Variants in CDH4 observed in about 807,000 individuals in gnomAD.
CDH4 encodes the protein cadherin 4.
Under a neutral mutation model 86.0 loss-of-function variants are expected in CDH4, and 33 were observed. The ratio of observed to expected loss-of-function variants is 0.38; its 90% CI spans 0.29 to 0.51. The LOEUF (loss-of-function observed/expected upper bound fraction) is 0.51, where lower values mean the gene tolerates loss of function less well. CDH4 is among the 20% of genes least tolerant of loss of function. The probability of loss-of-function intolerance (pLI) is 0.86; values close to 1 mark genes in which losing one functional copy is unlikely to be tolerated. For synonymous variants in CDH4, 555 were observed against 549.4 expected (o/e 1.01, Z -0.14); for missense variants, 1,114 against 1,307.4 (o/e 0.85, Z 2.28).
intron 2 of CDH4, among the ~76,000 whole-genome samples, chr20:61,444,811 CTT>C (rs1248761962): frequency 6.9e-6 from 1 of 145,740 alleles, no homozygotes; most frequent in Non-Finnish European, 1.5e-5. Flanking sequence ...GTATGTGTAT[CTT>C]TGTGTGTCTT....
At chr20:61,400,654 C>T (rs1440595907) in intron 2 of CDH4, among the ~76,000 whole-genome samples, 2 of 152,236 alleles carry the variant, frequency 1.3e-5, no homozygotes, top group African/African-American at 4.8e-5. Context: ...TTAGTCACTG[C>T]TGTGGGATGA....
intron 2 of CDH4, among the ~76,000 whole-genome samples, chr20:61,338,060 G>T (rs2084629058): frequency 6.6e-6 from 1 of 152,146 alleles, no homozygotes; most frequent in South Asian, 2.1e-4. Flanking sequence ...GGTAGGACTT[G>T]CAGAGAATCC....
At position 61,383,368 on chromosome 20, in the gene CDH4, A is replaced by G. The variant is rs1307436703; in HGVS notation, c.169+128431A>G. 2.0e-4 allele frequency among the ~76,000 whole-genome samples: 16 copies of G among 80,462 alleles called. 2 individuals are homozygous for G. The East Asian group carries it at 3.6e-3, about 18-fold the overall frequency. 52.8% of individuals were successfully genotyped at this position (80,462 alleles called of 152,430 possible). On this transcript the variant is annotated intron_variant, in intron 2 of 15. Transcript: ENST00000614565. ...ATATGAATATATATGGATATATATGAATATATATGGATATATATGAATATA... is the reference window on the plus strand; with the variant it reads ...ATATGAATATATATGGATATATATGGATATATATGGATATATATGAATATA...
intron 2 of CDH4, among the ~76,000 whole-genome samples, chr20:61,342,501 C>A (rs1365432914): frequency 6.6e-6 from 1 of 152,204 alleles, no homozygotes; most frequent in Non-Finnish European, 1.5e-5. Flanking sequence ...CTATGAGAAT[C>A]TAATGCTGCC....
chr20:61,929,877 A>G, intron 13 of CDH4, 35 bp downstream of exon 13: 1 of 1,557,788 alleles, frequency 6.4e-7, no homozygotes, highest in Non-Finnish European at 8.8e-7. Context: ...GGGCAGGGGC[A>G]TTGTGGGTAT....
At chr20:61,640,690 G>T (rs763076767) in intron 2 of CDH4, among the ~76,000 whole-genome samples, 2 of 152,214 alleles carry the variant, frequency 1.3e-5, no homozygotes, top group African/African-American at 4.8e-5. Context: ...TGCTGGCAGA[G>T]AATTTATAGA....
At chr20:61,645,379 C>T (rs959127586) in intron 2 of CDH4, among the ~76,000 whole-genome samples, 2 of 152,180 alleles carry the variant, frequency 1.3e-5, no homozygotes, top group Non-Finnish European at 2.9e-5. Flanking sequence ...ATAATCCCAG[C>T]CCTTTGGGAG....
At chr20:61,770,122 T>A (rs181279629) in intron 3 of CDH4, among the ~76,000 whole-genome samples, 3 of 152,262 alleles carry the variant, frequency 2.0e-5, no homozygotes, top group African/African-American at 7.2e-5. Flanking sequence ...GGAAGCTCTT[T>A]AAAGGCCCCT....
At chr20:61,535,750 G>C (rs2085992045) in intron 2 of CDH4, among the ~76,000 whole-genome samples, 1 of 152,160 alleles carries the variant, frequency 6.6e-6, no homozygotes, top group South Asian at 2.1e-4. Context: ...TTCAGTGCCG[G>C]TCCTTTGGGC....
At chr20:61,555,773 T>G (rs1936204) in intron 2 of CDH4, among the ~76,000 whole-genome samples, 48,911 of 152,100 alleles carry the variant, frequency 0.32, 8,382 homozygotes, top group East Asian at 0.49. Flanking sequence ...AAATCACACA[T>G]AATGTTCATT....
chr20:61,530,505 C>A (rs370718763), intron 2 of CDH4, among the ~76,000 whole-genome samples: 3 of 152,142 alleles, frequency 2.0e-5, no homozygotes, highest in African/African-American at 7.2e-5. Flanking sequence ...GCAAGGGGAC[C>A]CTGCACGGCA....
At position 61,447,652 on chromosome 20, in the gene CDH4, A is replaced by C. The variant is rs531635617; in HGVS notation, c.169+192715A>C. ...TTTTTTTTTTTTTTTTTTTAGCTTG[A>C]GATGGTGCATGGAAAATTTTAATAC... is the stretch of plus-strand genomic sequence containing the variant. On this transcript the variant is annotated intron_variant, in intron 2 of 15. Transcript: ENST00000614565. Among the ~76,000 whole-genome samples, 258 of 116,178 alleles carry C rather than the reference A, an allele frequency of 2.2e-3. 3 individuals carry two copies. The highest frequency in any genetic ancestry group is 8.4e-3 in the African/African-American group (253 of 30,116). The allele number at this position is 116,178 out of a possible 152,430, so 76.2% of individuals were successfully genotyped here.
chr20:61,593,358 C>G lies in CDH4; in HGVS notation c.170-150205C>G, dbSNP rs536623132. 2.6e-5 allele frequency among the ~76,000 whole-genome samples: 4 copies of G among 152,248 alleles called. No individual in the cohort carries two copies. In the South Asian group the frequency reaches 8.3e-4, roughly 32 times the overall value. ...GTGTTTTCATTTCTCTTGGTTATAC[C>G]CCGGAACTGGAATGGTGGCTGGGTC... is the stretch of plus-strand genomic sequence containing the variant. On this transcript the variant is annotated intron_variant, in intron 2 of 15. Coordinates refer to ENST00000614565, the MANE Select transcript of CDH4 (RefSeq NM_001794.5).
chr20:61,911,543 G>C (rs2054851047), intron 9 of CDH4, among the ~76,000 whole-genome samples: 1 of 152,234 alleles, frequency 6.6e-6, no homozygotes, highest in Non-Finnish European at 1.5e-5. Flanking sequence ...CATTTTTAGA[G>C]AAAAGGAGGG....
rs1600815890 is a variant in CDH4 at position 61,623,848 on chromosome 20, C to T, written c.170-119715C>T. 6.6e-6 allele frequency among the ~76,000 whole-genome samples: 1 copy of T among 151,568 alleles called. No homozygotes were observed. The highest frequency in any genetic ancestry group is 2.1e-4 in the South Asian group (1 of 4,772). On this transcript the variant is annotated intron_variant, in intron 2 of 15. Transcript: ENST00000614565. The surrounding 1 kb of genome is among the most constrained non-coding windows in gnomAD (Gnocchi z 4.4). Reference sequence around the variant, plus strand: ...AGGACACGGTTCCTAGAGCGAGGAACACCCCAGAATCTGAGCAGGAAGGAC... The same window carrying T: ...AGGACACGGTTCCTAGAGCGAGGAATACCCCAGAATCTGAGCAGGAAGGAC...
intron 2 of CDH4, among the ~76,000 whole-genome samples, chr20:61,286,191 C>T (rs1182260382): frequency 2.0e-5 from 3 of 152,226 alleles, no homozygotes; most frequent in Non-Finnish European, 4.4e-5. Flanking sequence ...GGATGCAACC[C>T]AGACTCCCAG....
intron 2 of CDH4, among the ~76,000 whole-genome samples, chr20:61,315,504 G>C (rs551954600): frequency 3.9e-5 from 6 of 152,280 alleles, no homozygotes; most frequent in South Asian, 2.1e-4. Context: ...CCAGGTTTCT[G>C]TCTCCAGCTG....
chr20:61,466,011 T>A (rs1174829616), intron 2 of CDH4, among the ~76,000 whole-genome samples: 1 of 152,138 alleles, frequency 6.6e-6, no homozygotes, highest in Non-Finnish European at 1.5e-5. Context: ...GAGATTAAAT[T>A]TCCTCTTGGA....
intron 4 of CDH4, among the ~76,000 whole-genome samples, chr20:61,834,733 G>C (rs908039509): frequency 2.8e-5 from 4 of 141,510 alleles, no homozygotes; most frequent in African/African-American, 9.9e-5. Flanking sequence ...CAGCCTCACG[G>C]GCTGAAACAA....
Sources: allele counts gnomAD v4.1 joint callset (sites outside exome capture counted in the v4.1 genomes callset), GRCh38; gene constraint gnomAD v4.1.1; non-coding constraint Gnocchi (gnomAD v3.1); transcripts MANE v1.5; gene names NCBI Gene and HGNC (gene_info 2026-07-23, HGNC 2026-07-21).